Variants in RUFY3 observed in about 807,000 individuals in gnomAD.
The protein encoded by RUFY3 is RUN and FYVE domain containing 3, also known as protein RUFY3.
A neutral mutation model predicts 84.0 loss-of-function variants in RUFY3; 34 were observed. The ratio of observed to expected loss-of-function variants is 0.40; its 90% CI spans 0.31 to 0.54. The LOEUF (loss-of-function observed/expected upper bound fraction) is 0.54, where lower values mean the gene tolerates loss of function less well. Ranked by LOEUF, RUFY3 falls within the 20% of genes least tolerant of loss-of-function variation. RUFY3 has a pLI of 0.39. For missense variants in RUFY3, 507 were observed against 736.8 expected, an observed-to-expected ratio of 0.69 and a Z score of 3.61; for synonymous variants, 242 against 252.9, an observed-to-expected ratio of 0.96 and a Z score of 0.41.
intron 7 of RUFY3, among the ~76,000 whole-genome samples, chr4:70,775,621 G>A (rs576346030): frequency 3.3e-5 from 5 of 152,068 alleles, no homozygotes; most frequent in Non-Finnish European, 7.4e-5. Context: ...CTGATCTTGG[G>A]TAAACCACTC....
intron 10 of RUFY3, among the ~76,000 whole-genome samples, chr4:70,788,519 G>A (rs1010771645): frequency 6.6e-5 from 10 of 152,098 alleles, no homozygotes; most frequent in Admixed American, 6.6e-4. Flanking sequence ...ATCTACTGAA[G>A]TGTCTCAAAT....
chr4:70,719,404 G>T (rs930959322), upstream of RUFY3, among the ~76,000 whole-genome samples: 231 of 152,318 alleles, frequency 1.5e-3, no homozygotes, highest in African/African-American at 5.2e-3. Flanking sequence ...AATCAATCTA[G>T]ATCTGTTCAA....
In RUFY3 at chr4:70,789,548, G is replaced by T; in HGVS notation, c.1293G>T (p.Glu431Asp). ...QKSELNSRLEEKTNQMAATIK... is the reference protein window; with the variant it reads ...QKSELNSRLEDKTNQMAATIK... ...GTGAACTAAACAGTCGCTTGGAAGA[G>T]AAGACTAATCAGATGGCTGCTACCA... is the stretch of plus-strand genomic sequence containing the variant. Residue 431 changes from glutamate (E) to aspartate (D), a missense_variant, in exon 12 of 18, where the codon GAG (glutamate) becomes GAT (aspartate). This residue lies in a region of RUFY3 where 334 missense variants were observed against 364.1 expected (regional missense o/e 0.92). Transcript: ENST00000381006. 1 of 1,613,094 alleles carries T rather than the reference G, an allele frequency of 6.2e-7. No individual in the cohort carries two copies.
chr4:70,783,860 C>T (rs929420871), intron 9 of RUFY3, among the ~76,000 whole-genome samples: 1 of 152,066 alleles, frequency 6.6e-6, no homozygotes, highest in African/African-American at 2.4e-5. Flanking sequence ...CTGTCTTTTA[C>T]GTATTCAATA....
At chr4:70,722,841 C>A in intron 1 of RUFY3, 90 bp downstream of exon 1, 1 of 1,277,822 alleles carries the variant, frequency 7.8e-7, no homozygotes, top group Non-Finnish European at 1.1e-6. Context: ...TAGAAAGAAC[C>A]TACACTCTCA....
intron 1 of RUFY3, among the ~76,000 whole-genome samples, chr4:70,758,699 G>A (rs1270590835): frequency 6.6e-6 from 1 of 151,398 alleles, no homozygotes; most frequent in Admixed American, 6.6e-5. Context: ...TATTAATTTT[G>A]GGAATATTCA....
At chr4:70,741,533 A>G in intron 1 of RUFY3, 4 of 1,014,794 alleles carry the variant, frequency 3.9e-6, no homozygotes, top group Non-Finnish European at 5.6e-6. Flanking sequence ...CCTTTCAGTT[A>G]TCCCTTTGGA....
Position 70,808,489 on chromosome 4 carries a change from T to A in RUFY3, c.*1830T>A, listed in dbSNP as rs1733038778. On this transcript the variant is annotated 3_prime_UTR_variant, in exon 18 of 18. Transcript: ENST00000381006. ...AATATCCTGGAACCATGTTTTTTAA[T>A]AAATTCTGTCTCTTGGAAAGAGTTA... Among the ~76,000 whole-genome samples, 1 of 152,220 alleles carries A rather than the reference T, an allele frequency of 6.6e-6. No individual in the cohort carries two copies. The highest frequency in any genetic ancestry group is 1.5e-5 in the Non-Finnish European group (1 of 68,036).
At chr4:70,778,570 A>C (rs1450950471) in intron 8 of RUFY3, 132 bp downstream of exon 8, 5 of 233,890 alleles carry the variant, frequency 2.1e-5, no homozygotes, top group South Asian at 7.6e-5. Flanking sequence ...ATAACTTCTT[A>C]TTCTTTTTTT....
At position 70,746,743 on chromosome 4, in the gene RUFY3, A is replaced by G. The variant is rs114069625; in HGVS notation, c.179-15776A>G. ...AAGGAAGAGACCACTGATACATGCAACAACCTGAATGATTCTTCGGAGAAT... is the reference window on the plus strand; with the variant it reads ...AAGGAAGAGACCACTGATACATGCAGCAACCTGAATGATTCTTCGGAGAAT... On this transcript the variant is annotated intron_variant, in intron 1 of 17. Transcript: ENST00000381006. Among the ~76,000 whole-genome samples the G allele has an allele frequency of 2.8e-3, 421 of 152,352 alleles. 2 individuals carry two copies. Among genetic ancestry groups the G allele is most frequent in the African/African-American group, 9.8e-3 (408 of 41,578 alleles).
Position 70,722,516 on chromosome 4 carries a change from T to C in RUFY3, c.-58T>C, listed in dbSNP as rs910361231. The C allele has an allele frequency of 3.5e-6, 5 of 1,433,352 alleles. No individual in the cohort carries two copies. In the Admixed American group the frequency reaches 1.1e-4, roughly 31 times the overall value. The allele number at this position is 1,433,352 out of a possible 1,614,324, so 88.8% of individuals were successfully genotyped here. A position where few individuals can be genotyped will look rare whatever the true frequency, so the allele number is the denominator to read the frequency against. The stretch of plus-strand genomic sequence containing the variant: ...GAGGAGGTTGTATTTATTTTTTTGG[T>C]GTGTGTGTGTGAGTGTGTGTGTGTC... On this transcript the variant is annotated 5_prime_UTR_variant, in exon 1 of 18. Transcript: ENST00000381006.
At chr4:70,791,553 G>A (rs1730818822) in intron 12 of RUFY3, 3 of 1,299,028 alleles carry the variant, frequency 2.3e-6, no homozygotes, top group Non-Finnish European at 2.9e-6. Flanking sequence ...AATTATTTCT[G>A]AGTTGACCAA....
chr4:70,760,488 A>G (rs1724832293), intron 1 of RUFY3, among the ~76,000 whole-genome samples: 1 of 151,812 alleles, frequency 6.6e-6, no homozygotes, highest in Admixed American at 6.6e-5. Flanking sequence ...CCTGCCATCT[A>G]TTGGGAGGTG....
Position 70,706,912 on chromosome 4 carries a change from G to C in RUFY3, c.358+1618G>C, listed in dbSNP as rs1427198778. ...TTAAACACCGCCTCTTTTTTTGTTT[G>C]CACCAAAAATGTTTTCTTTCTGTGT... On this transcript the variant is annotated intron_variant, in intron 1 of 11. Transcript: ENST00000417478. Among the ~76,000 whole-genome samples the C allele has an allele frequency of 2.0e-5, 3 of 151,942 alleles. No individual in the cohort carries two copies. In the East Asian group the frequency reaches 5.8e-4, roughly 29 times the overall value.
chr4:70,707,847 G>C (rs929079385), intron 1 of RUFY3, among the ~76,000 whole-genome samples: 1 of 152,128 alleles, frequency 6.6e-6, no homozygotes, highest in Admixed American at 6.5e-5. Context: ...CTTACAGAAA[G>C]GAACACTCTA....
intron 1 of RUFY3, chr4:70,741,674 A>G: frequency 1.3e-6 from 2 of 1,517,412 alleles, no homozygotes; most frequent in Non-Finnish European, 1.8e-6. Flanking sequence ...GCGCGATGAT[A>G]CAGAAGGTGC....
At chr4:70,802,258 A>G (rs911213276) in intron 15 of RUFY3, among the ~76,000 whole-genome samples, 2 of 152,212 alleles carry the variant, frequency 1.3e-5, no homozygotes, top group African/African-American at 2.4e-5. Flanking sequence ...GGCAAGGAAC[A>G]TCGGAAAACC....
chr4:70,777,474 T>C (rs1259609775), intron 7 of RUFY3, among the ~76,000 whole-genome samples: 1 of 152,220 alleles, frequency 6.6e-6, no homozygotes, highest in African/African-American at 2.4e-5. Flanking sequence ...AAACTTATAA[T>C]ATGATTATAC....
chr4:70,705,180 C>T, exon 1 of RUFY3: 1 of 1,462,182 alleles, frequency 6.8e-7, no homozygotes, highest in Non-Finnish European at 9.0e-7. Context: ...AGTGCGCCCG[C>T]CGCCGCAGCA....
Sources: allele counts gnomAD v4.1 joint callset (sites outside exome capture counted in the v4.1 genomes callset), GRCh38; gene constraint gnomAD v4.1.1; regional missense constraint gnomAD v4.1.1; transcripts MANE v1.5; gene names NCBI Gene and HGNC (gene_info 2026-07-23, HGNC 2026-07-21).